The following BRCA1 variants were observed in gnomAD, a reference collection of about 807,000 sequenced individuals.
BRCA1 encodes breast cancer type 1 susceptibility protein.
In BRCA1, 140 loss-of-function variants were observed where a neutral mutation model predicts 173.7. The ratio of observed to expected loss-of-function variants is 0.81; its 90% CI spans 0.70 to 0.93. The LOEUF (loss-of-function observed/expected upper bound fraction) is 0.93. Ranked by LOEUF, BRCA1 falls within the 40% of genes least tolerant of loss-of-function variation. BRCA1 has a pLI of 0.00. For missense variants in BRCA1, 1,983 were observed against 2,172.5 expected (o/e 0.91, Z 1.73); for synonymous variants, 662 against 756.0 (o/e 0.88, Z 2.04).
At chr17:43,081,092 T>C (rs1053500220) in intron 12 of BRCA1, among the ~76,000 whole-genome samples, 1 of 152,094 alleles carries the variant, frequency 6.6e-6, no homozygotes, top group Non-Finnish European at 1.5e-5. Flanking sequence ...AAAGAGGAGA[T>C]AGTAGATTTA....
intron 19 of BRCA1, among the ~76,000 whole-genome samples, chr17:43,052,138 T>C (rs964124033): frequency 5.9e-5 from 9 of 152,204 alleles, no homozygotes; most frequent in Non-Finnish European, 1.2e-4. Flanking sequence ...TTACAGGGCT[T>C]GGCAACACTG....
chr17:43,152,882 A>T (rs1316746701), intron 1 of BRCA1, among the ~76,000 whole-genome samples: 2 of 151,774 alleles, frequency 1.3e-5, no homozygotes, highest in South Asian at 2.1e-4. Flanking sequence ...AAAATAAAAA[A>T]AAATAAGCTG....
At chr17:43,087,665 A>G (rs752318742) in intron 11 of BRCA1, among the ~76,000 whole-genome samples, 108 of 137,222 alleles carry the variant, frequency 7.9e-4, no homozygotes, top group Admixed American at 3.0e-3. Flanking sequence ...TCCATCTCAG[A>G]AAAAAAAAAA....
upstream of BRCA1, among the ~76,000 whole-genome samples, chr17:43,130,249 C>T (rs2055954239): frequency 6.6e-6 from 1 of 152,126 alleles, no homozygotes; most frequent in Admixed American, 6.6e-5. Context: ...CTCCTAGGTT[C>T]ACGATCCTTC....
intron 1 of BRCA1, 137 bp from the exon 2 acceptor site, chr17:43,124,252 A>G: frequency 1.7e-6 from 1 of 592,796 alleles, no homozygotes; most frequent in South Asian, 2.3e-5. Flanking sequence ...AGAACTAATG[A>G]CAACGTCCTT....
At chr17:43,076,429 G>C (rs2154055013) in intron 13 of BRCA1, 59 bp downstream of exon 13, 1 of 1,595,432 alleles carries the variant, frequency 6.3e-7, no homozygotes, top group South Asian at 1.1e-5. Flanking sequence ...TTAACAATCA[G>C]AGTTCAATAT....
intron 1 of BRCA1, chr17:43,145,198 G>A (rs868685418): frequency 1.7e-5 from 12 of 709,770 alleles, no homozygotes; most frequent in African/African-American, 1.2e-4. Context: ...CAGGGGAAAC[G>A]AAAACTGAGG....
chr17:43,105,468 T>C (rs2054721243), intron 4 of BRCA1, among the ~76,000 whole-genome samples: 1 of 152,162 alleles, frequency 6.6e-6, no homozygotes, highest in African/African-American at 2.4e-5. Flanking sequence ...TTCAAACTCC[T>C]GGCCTCAAGC....
intron 1 of BRCA1, among the ~76,000 whole-genome samples, chr17:43,154,815 T>G (rs1212724959): frequency 6.7e-6 from 1 of 149,956 alleles, no homozygotes; most frequent in African/African-American, 2.4e-5. Context: ...AATAAGTGTA[T>G]TAAAGAGAAA....
At chr17:43,066,133 A>C (rs922662523) in intron 16 of BRCA1, among the ~76,000 whole-genome samples, 1 of 152,176 alleles carries the variant, frequency 6.6e-6, no homozygotes, top group African/African-American at 2.4e-5. Context: ...AATACGGCCC[A>C]GTTTCAAATA....
intron 1 of BRCA1, 189 bp downstream of exon 1, chr17:43,125,082 C>A: frequency 4.5e-6 from 2 of 447,910 alleles, no homozygotes; most frequent in Non-Finnish European, 4.5e-6. Context: ...CCTTCCTGAT[C>A]CTCAGCGCTT....
chr17:43,104,447 C>G (rs745842604), intron 5 of BRCA1, among the ~76,000 whole-genome samples, 186 bp from the exon 6 acceptor site: 9 of 152,006 alleles, frequency 5.9e-5, no homozygotes, highest in Admixed American at 1.3e-4. Context: ...TCCTAGGAAA[C>G]AAAAACAAAT....
At chr17:43,165,629 T>C (rs1418787189) in intron 1 of BRCA1, 1 of 152,116 alleles carries the variant, frequency 6.6e-6, no homozygotes, top group Non-Finnish European at 1.5e-5. Flanking sequence ...TTCTGACTTA[T>C]TACAAATATT....
At chr17:43,070,855 A>G in intron 15 of BRCA1, 73 bp downstream of exon 15, 1 of 1,519,484 alleles carries the variant, frequency 6.6e-7, no homozygotes, top group Non-Finnish European at 9.1e-7. Flanking sequence ...TTAATTGACA[A>G]TACCTACATA....
At chr17:43,101,103 G>A (rs1421342528) in intron 6 of BRCA1, among the ~76,000 whole-genome samples, 65 of 151,522 alleles carry the variant, frequency 4.3e-4, no homozygotes, top group Non-Finnish European at 5.9e-5. Context: ...GTATAGGAAC[G>A]AGTATTTAAA....
intron 16 of BRCA1, 90 bp from the exon 17 acceptor site, chr17:43,064,041 C>T (rs1468834426): frequency 5.7e-6 from 6 of 1,048,524 alleles, no homozygotes; most frequent in Non-Finnish European, 8.8e-6. Flanking sequence ...CAGTTTTTTA[C>T]ACTCCCAAGA....
At chr17:43,048,013 C>T (rs1221864591) in intron 21 of BRCA1, among the ~76,000 whole-genome samples, 1 of 152,040 alleles carries the variant, frequency 6.6e-6, no homozygotes, top group African/African-American at 2.4e-5. Context: ...GGCTCAACTT[C>T]ACCCCCGGGA....
intron 1 of BRCA1, chr17:43,162,091 G>T (rs2056239831): frequency 6.6e-6 from 1 of 152,104 alleles, no homozygotes; most frequent in South Asian, 2.1e-4. Context: ...CAAGGGGATT[G>T]GTTATTACTA....
intron 7 of BRCA1, among the ~76,000 whole-genome samples, chr17:43,098,465 T>G (rs186610614): frequency 6.6e-6 from 1 of 151,970 alleles, no homozygotes; most frequent in African/African-American, 2.4e-5. Flanking sequence ...TTCAAGCGAT[T>G]CTCCTGCCTC....
Sources: allele counts gnomAD v4.1 joint callset (sites outside exome capture counted in the v4.1 genomes callset), GRCh38; gene constraint gnomAD v4.1.1; transcripts MANE v1.5; gene names NCBI Gene and HGNC (gene_info 2026-07-23, HGNC 2026-07-21).